Variants in IFITM10 observed in about 807,000 individuals in gnomAD.
The protein encoded by IFITM10 is interferon-induced transmembrane protein 10.
In IFITM10, 17 loss-of-function variants were observed where a neutral mutation model predicts 19.0. The observed-to-expected ratio is 0.90, with a 90% CI of 0.61 to 1.34. The LOEUF is 1.34. IFITM10 is among the 40% of genes most tolerant of loss of function. The pLI is 0.00. For synonymous variants in IFITM10, 148 were observed against 147.2 expected (o/e 1.01, Z -0.04); for missense variants, 306 against 319.8 (o/e 0.96, Z 0.33).
Position 1,735,276 on chromosome 11 carries a change from G to A in IFITM10, c.*4C>T, listed in dbSNP as rs1313499189. ...TCTCCGCCAGCAGCCGTGCCTGGCGGGCCTTAGTAGTCGGTGAGGGGGTAC... is the reference window on the plus strand; with the variant it reads ...TCTCCGCCAGCAGCCGTGCCTGGCGAGCCTTAGTAGTCGGTGAGGGGGTAC... On this transcript the variant is annotated 3_prime_UTR_variant, in exon 3 of 3. Transcript: ENST00000340134. 8 of 1,551,610 alleles carry A rather than the reference G, an allele frequency of 5.2e-6. No homozygotes were observed. In the South Asian group the frequency reaches 5.9e-5, roughly 12 times the overall value.
intron 2 of IFITM10, among the ~76,000 whole-genome samples, chr11:1,741,477 G>T (rs1327179339): frequency 6.6e-6 from 1 of 152,088 alleles, no homozygotes; most frequent in Admixed American, 6.5e-5. Context: ...ACAGGCTGAT[G>T]GCTGGGAGTT....
At chr11:1,746,028 CCA>C (rs1332299988) in intron 2 of IFITM10, 3 of 148,854 alleles carry the variant, frequency 2.0e-5, no homozygotes, top group Non-Finnish European at 3.0e-5. Context: ...CAGGCACACC[CCA>C]CACACTTGTG....
rs1006999992 is a variant in IFITM10, at chr11:1,734,284, T to C, written c.*996A>G. On this transcript the variant is annotated 3_prime_UTR_variant, in exon 3 of 3. Coordinates refer to ENST00000340134, the MANE Select transcript of IFITM10 (RefSeq NM_001170820.4). ...TGCCTCCCACATTGTGGACTGCACA[T>C]GCCATGGGCCGTCAGGGCGCTGGCC... 1 of 152,260 alleles carries C rather than the reference T, an allele frequency of 6.6e-6. No homozygotes were observed. Among genetic ancestry groups the C allele is most frequent in the African/African-American group, 2.4e-5 (1 of 41,464 alleles). The allele number at this position is 152,260 out of a possible 1,614,324, so 9.4% of individuals were successfully genotyped here.
intron 2 of IFITM10, among the ~76,000 whole-genome samples, chr11:1,743,894 G>A (rs1845602055): frequency 6.6e-6 from 1 of 151,990 alleles, no homozygotes; most frequent in Non-Finnish European, 1.5e-5. Context: ...CTACAGATGA[G>A]AGCCCAGCCC....
intron 2 of IFITM10, among the ~76,000 whole-genome samples, chr11:1,737,498 T>C (rs1851099595): frequency 6.6e-6 from 1 of 152,222 alleles, no homozygotes; most frequent in Non-Finnish European, 1.5e-5. Context: ...CAACTTACTC[T>C]TCTGCTCCTC....
At chr11:1,745,924 C>CA (rs1845639097) in intron 2 of IFITM10, 1 of 150,818 alleles carries the variant, frequency 6.6e-6, no homozygotes, top group Non-Finnish European at 1.5e-5. Flanking sequence ...ACAGGCACAC[C>CA]CCACACACAC....
chr11:1,746,369 T>A (rs1465988822), intron 2 of IFITM10: 3 of 395,152 alleles, frequency 7.6e-6, no homozygotes, highest in Middle Eastern at 6.4e-4. Context: ...CACAAAAATA[T>A]ATGTACACAC....
At chr11:1,746,341 C>T (rs1590898879) in intron 2 of IFITM10, 3 of 387,620 alleles carry the variant, frequency 7.7e-6, no homozygotes, top group Non-Finnish European at 1.4e-5. Flanking sequence ...CAGTCATACA[C>T]ATGCACACAC....
intron 2 of IFITM10, chr11:1,746,453 A>G: frequency 2.5e-6 from 1 of 397,900 alleles, no homozygotes. Context: ...ATTACACGTG[A>G]GTACACACAT....
In IFITM10 at chr11:1,732,665, C is replaced by A. The variant is rs1851040515; in HGVS notation, c.*2615G>T. On this transcript the variant is annotated 3_prime_UTR_variant, in exon 3 of 3. Transcript: ENST00000340134. ...ACCGTGGACACCCACCGCGGGAGCACCAGCCCTCCCCCGGTCCCCAGGGTA... is the reference window on the plus strand; with the variant it reads ...ACCGTGGACACCCACCGCGGGAGCAACAGCCCTCCCCCGGTCCCCAGGGTA... The A allele has an allele frequency of 6.6e-6, 1 of 152,262 alleles. No individual in the cohort carries two copies. The highest frequency in any genetic ancestry group is 6.5e-5 in the Admixed American group (1 of 15,290). 9.4% of individuals were successfully genotyped at this position (152,262 alleles called of 1,614,324 possible).
intron 1 of IFITM10, chr11:1,748,991 G>T: frequency 2.0e-6 from 2 of 1,009,418 alleles, no homozygotes; most frequent in Non-Finnish European, 1.2e-6. Context: ...GTCTGCCGCA[G>T]CCCCCCGGAC....
intron 1 of IFITM10, 108 bp downstream of exon 1, chr11:1,750,251 C>A: frequency 1.3e-6 from 2 of 1,529,360 alleles, no homozygotes; most frequent in Non-Finnish European, 1.8e-6. Context: ...ATCCCCATAA[C>A]AGTCCCCATG....
At chr11:1,737,378 T>C (rs937795570) in intron 2 of IFITM10, among the ~76,000 whole-genome samples, 1 of 152,200 alleles carries the variant, frequency 6.6e-6, no homozygotes, top group Non-Finnish European at 1.5e-5. Context: ...CTCCTTGCAG[T>C]CTACTCCTAG....
chr11:1,742,623 T>C (rs145796043), intron 2 of IFITM10, among the ~76,000 whole-genome samples: 1 of 152,118 alleles, frequency 6.6e-6, no homozygotes, highest in East Asian at 1.9e-4. Context: ...GATGGAGGGA[T>C]GATTGGGTCT....
rs1175413212 is a variant in IFITM10, at chr11:1,750,471, ACTC to A, written c.-32_-30del. On this transcript the variant is annotated 5_prime_UTR_variant, in exon 1 of 3. Transcript: ENST00000340134. ...TCTCCAAGCCCCATCCTCCCATGAA[ACTC>A]CTTTCTCCTCTGCCACTCTCAACTG... The A allele has an allele frequency of 9.1e-6, 14 of 1,545,522 alleles. No homozygotes were observed. The highest frequency in any genetic ancestry group is 1.1e-5 in the Non-Finnish European group (13 of 1,145,146).
At chr11:1,741,394 A>T (rs1845568868) in intron 2 of IFITM10, among the ~76,000 whole-genome samples, 2 of 151,904 alleles carry the variant, frequency 1.3e-5, no homozygotes. Context: ...AGGATGAGGC[A>T]GCCATGTGGG....
chr11:1,748,240 G>A lies in IFITM10; in HGVS notation c.85-121C>T, dbSNP rs971584304. 1.0e-5 allele frequency: 8 copies of A among 776,174 alleles called. No individual in the cohort carries two copies. The Admixed American group carries it at 2.5e-4, about 24-fold the overall frequency. The allele number at this position is 776,174 out of a possible 1,614,324, so 48.1% of individuals were successfully genotyped here. A position where few individuals can be genotyped will look rare whatever the true frequency, so the allele number is the denominator to read the frequency against. On this transcript the variant is annotated intron_variant, in intron 1 of 2. Coordinates refer to ENST00000340134, the MANE Select transcript of IFITM10 (RefSeq NM_001170820.4). Reference sequence around the variant, plus strand: ...GAAATCCCTGCGGGGGCCGCCAGCTGCCAGCCTGCCACCTGCCTCCCCCAC... The same window carrying A: ...GAAATCCCTGCGGGGGCCGCCAGCTACCAGCCTGCCACCTGCCTCCCCCAC...
In IFITM10 at chr11:1,734,948, T is replaced by A. The variant is rs1284475346; in HGVS notation, c.*332A>T. ...TAAGCCCTTCCTGCTAGGTGTCAGG[T>A]CCAAGGGGCCCCAGGAGCCTGGGAA... On this transcript the variant is annotated 3_prime_UTR_variant, in exon 3 of 3. Coordinates refer to ENST00000340134, the MANE Select transcript of IFITM10 (RefSeq NM_001170820.4). The A allele has an allele frequency of 1.1e-5, 4 of 351,730 alleles. No homozygotes were observed. Among genetic ancestry groups the A allele is most frequent in the Non-Finnish European group, 2.1e-5 (4 of 192,784 alleles). 21.8% of individuals were successfully genotyped at this position (351,730 alleles called of 1,614,324 possible). A position where few individuals can be genotyped will look rare whatever the true frequency, so the allele number is the denominator to read the frequency against.
At chr11:1,739,997 G>A (rs867410859) in intron 2 of IFITM10, among the ~76,000 whole-genome samples, 1 of 152,058 alleles carries the variant, frequency 6.6e-6, no homozygotes, top group South Asian at 2.1e-4. Context: ...AGTGCTGGCC[G>A]CTGTGTAAGA....
Sources: allele counts gnomAD v4.1 joint callset (sites outside exome capture counted in the v4.1 genomes callset), GRCh38; gene constraint gnomAD v4.1.1; transcripts MANE v1.5; gene names NCBI Gene and HGNC (gene_info 2026-07-23, HGNC 2026-07-21).